OPCML: variants seen among roughly 807,000 people sequenced by gnomAD.
OPCML encodes the protein opioid binding protein/cell adhesion molecule like.
In OPCML, 13 loss-of-function variants were observed where a neutral mutation model predicts 37.8. The observed-to-expected ratio is 0.34, with a 90% confidence interval of 0.22 to 0.55. The LOEUF is 0.55. Among genes scored for constraint, OPCML ranks in the 20% least tolerant of loss-of-function variants. The pLI, the probability that OPCML is intolerant of heterozygous loss-of-function variation, is 0.91. For synonymous variants in OPCML, 176 were observed against 168.8 expected (o/e 1.04, Z -0.33); for missense variants, 341 against 435.6 (o/e 0.78, Z 1.93).
chr11:133,239,260 G>A (rs779040091), intron 1 of OPCML, among the ~76,000 whole-genome samples: 1 of 152,248 alleles, frequency 6.6e-6, no homozygotes, highest in Non-Finnish European at 1.5e-5. Context: ...GCTTGGTGGA[G>A]ATGTCTGACA....
intron 1 of OPCML, among the ~76,000 whole-genome samples, chr11:133,135,034 C>G (rs535217499): frequency 6.6e-6 from 1 of 152,222 alleles, no homozygotes; most frequent in Admixed American, 6.5e-5. Flanking sequence ...ATTTTAGAAT[C>G]AAGAGCACTG....
chr11:133,024,300 A>G, intron 1 of OPCML: 3 of 964,522 alleles, frequency 3.1e-6, no homozygotes, highest in Middle Eastern at 5.3e-4. Context: ...TGCAGTGTTG[A>G]TGGAAGTTGG....
intron 1 of OPCML, among the ~76,000 whole-genome samples, chr11:132,958,836 T>C (rs1488711110): frequency 6.6e-6 from 1 of 152,094 alleles, no homozygotes; most frequent in Non-Finnish European, 1.5e-5. Flanking sequence ...CCTTTCCAAA[T>C]ATCACTGCCC....
intron 1 of OPCML, among the ~76,000 whole-genome samples, chr11:133,471,152 AAC>A (rs1468407231): frequency 2.6e-5 from 4 of 152,222 alleles, no homozygotes; most frequent in Non-Finnish European, 2.9e-5. Context: ...TCAGAAAACA[AAC>A]AACAGTCTAC....
intron 2 of OPCML, among the ~76,000 whole-genome samples, chr11:132,875,865 G>T (rs1701857567): frequency 6.6e-6 from 1 of 152,118 alleles, no homozygotes; most frequent in Admixed American, 6.5e-5. Context: ...TGTTTTGCTG[G>T]AAAGGTTAAG....
chr11:132,853,707 C>G (rs1014803044), intron 2 of OPCML, among the ~76,000 whole-genome samples: 1 of 152,212 alleles, frequency 6.6e-6, no homozygotes, highest in Non-Finnish European at 1.5e-5. Flanking sequence ...AGTATATGTT[C>G]ATGGCTGGTT....
intron 1 of OPCML, among the ~76,000 whole-genome samples, chr11:133,132,136 A>G (rs1347820267): frequency 6.6e-6 from 1 of 152,212 alleles, no homozygotes; most frequent in Non-Finnish European, 1.5e-5. Flanking sequence ...TCATACAGCT[A>G]ATAAAGAACT....
chr11:132,534,938 C>G (rs535602207), intron 3 of OPCML, among the ~76,000 whole-genome samples: 2 of 151,604 alleles, frequency 1.3e-5, no homozygotes, highest in East Asian at 3.9e-4. Flanking sequence ...TGCTCATTTC[C>G]TAAATCTTAG....
chr11:132,432,074 G>C (rs748083857), intron 7 of OPCML, among the ~76,000 whole-genome samples: 4 of 152,192 alleles, frequency 2.6e-5, no homozygotes, highest in Non-Finnish European at 4.4e-5. Flanking sequence ...TGCAATAGGA[G>C]CAAAGTGCTC....
At chr11:132,719,136 T>C (rs1306643704) in intron 2 of OPCML, among the ~76,000 whole-genome samples, 1 of 152,194 alleles carries the variant, frequency 6.6e-6, no homozygotes, top group South Asian at 2.1e-4. Flanking sequence ...AGGCACTGGC[T>C]CTCTGGCCCG....
intron 4 of OPCML, among the ~76,000 whole-genome samples, chr11:132,441,457 C>T (rs539756674): frequency 1.3e-5 from 2 of 152,194 alleles, no homozygotes; most frequent in South Asian, 2.1e-4. Flanking sequence ...CGTGAGCCAC[C>T]GCGCCCGGCC....
At chr11:132,969,486 C>T (rs558081371) in intron 1 of OPCML, among the ~76,000 whole-genome samples, 4 of 152,018 alleles carry the variant, frequency 2.6e-5, no homozygotes, top group African/African-American at 9.7e-5. Flanking sequence ...TTTTGAAATT[C>T]TCAACTTTAA....
chr11:132,763,326 C>T (rs935022390), intron 2 of OPCML, among the ~76,000 whole-genome samples: 5 of 152,134 alleles, frequency 3.3e-5, no homozygotes, highest in African/African-American at 1.2e-4. Context: ...CTACTCAATA[C>T]TAATTTCATT....
intron 1 of OPCML, among the ~76,000 whole-genome samples, chr11:133,321,322 G>A (rs893473872): frequency 6.6e-6 from 1 of 152,176 alleles, no homozygotes; most frequent in African/African-American, 2.4e-5. Flanking sequence ...CTGAGAGAGG[G>A]CAGCTTCAAA....
At chr11:133,508,615 C>G (rs1377602045) in intron 1 of OPCML, among the ~76,000 whole-genome samples, 1 of 152,218 alleles carries the variant, frequency 6.6e-6, no homozygotes, top group Non-Finnish European at 1.5e-5. Flanking sequence ...CTCCCTCTGG[C>G]CTCATAAGGA....
intron 1 of OPCML, among the ~76,000 whole-genome samples, chr11:133,123,517 C>T (rs1455592052): frequency 1.3e-5 from 2 of 152,176 alleles, no homozygotes; most frequent in Non-Finnish European, 2.9e-5. Flanking sequence ...CCAAGGGCAG[C>T]ACGCCTCCGA....
At chr11:132,697,871 T>A (rs1591745249) in intron 2 of OPCML, among the ~76,000 whole-genome samples, 1 of 152,086 alleles carries the variant, frequency 6.6e-6, no homozygotes, top group South Asian at 2.1e-4. Context: ...GCTCAAGTAA[T>A]CCTCTCACCT....
chr11:132,645,323 A>G (rs1941089011), intron 3 of OPCML, among the ~76,000 whole-genome samples: 1 of 152,208 alleles, frequency 6.6e-6, no homozygotes, highest in South Asian at 2.1e-4. Context: ...GTGGCTACCA[A>G]TATCTCCCCC....
chr11:133,156,842 C>T (rs548521738), intron 1 of OPCML, among the ~76,000 whole-genome samples: 54 of 152,208 alleles, frequency 3.5e-4, no homozygotes, highest in African/African-American at 1.2e-3. Context: ...TTTGTTGTTG[C>T]TGTAAATGAA....
Sources: gnomAD v4.1 joint callset for allele counts (sites outside exome capture counted in the v4.1 genomes callset) on GRCh38, gnomAD v4.1.1 for gene constraint, MANE v1.5 for transcripts, NCBI Gene and HGNC (gene_info 2026-07-23, HGNC 2026-07-21) for gene names.